GUCY1A2: variants seen among roughly 807,000 people sequenced by gnomAD.
GUCY1A2 encodes the protein guanylate cyclase soluble subunit alpha-2.
In GUCY1A2, 27 loss-of-function variants were observed where a neutral mutation model predicts 63.5. The ratio of observed to expected loss-of-function variants is 0.43; its 90% CI spans 0.31 to 0.59. The LOEUF (loss-of-function observed/expected upper bound fraction) is 0.59, where lower values mean the gene tolerates loss of function less well. Ranked by LOEUF, GUCY1A2 falls within the 20% of genes least tolerant of loss-of-function variation. The pLI, the probability that GUCY1A2 is intolerant of heterozygous loss-of-function variation, is 0.11. For missense variants in GUCY1A2, 768 were observed against 913.3 expected, an observed-to-expected ratio of 0.84 and a Z score of 2.05; for synonymous variants, 364 against 343.5, an observed-to-expected ratio of 1.06 and a Z score of -0.66.
intron 5 of GUCY1A2, among the ~76,000 whole-genome samples, chr11:106,784,334 G>GA (rs1565288931): frequency 6.6e-6 from 1 of 152,068 alleles, no homozygotes; most frequent in African/African-American, 2.4e-5. Flanking sequence ...ACTCCTTCCT[G>GA]AAAGCAGGAT....
At chr11:106,770,994 T>C (rs1347492275) in intron 6 of GUCY1A2, among the ~76,000 whole-genome samples, 1 of 151,962 alleles carries the variant, frequency 6.6e-6, no homozygotes, top group African/African-American at 2.4e-5. Context: ...AAATGCACTG[T>C]CTTTGAACTA....
At chr11:106,762,040 T>G (rs1011328763) in intron 6 of GUCY1A2, among the ~76,000 whole-genome samples, 1 of 152,170 alleles carries the variant, frequency 6.6e-6, no homozygotes, top group Non-Finnish European at 1.5e-5. Context: ...TACTTCATTA[T>G]ACTTTGGGTA....
At chr11:106,715,792 C>T (rs1443307987) in intron 6 of GUCY1A2, among the ~76,000 whole-genome samples, 1 of 152,194 alleles carries the variant, frequency 6.6e-6, no homozygotes, top group African/African-American at 2.4e-5. Flanking sequence ...TAATCACAGA[C>T]TCTGTTCTAA....
At chr11:106,871,947 T>C (rs536511389) in intron 4 of GUCY1A2, among the ~76,000 whole-genome samples, 17 of 152,342 alleles carry the variant, frequency 1.1e-4, no homozygotes, top group African/African-American at 3.6e-4. Flanking sequence ...TTCTGCATAT[T>C]ACCAGCCTTG....
At chr11:106,845,121 G>C (rs987614034) in intron 4 of GUCY1A2, among the ~76,000 whole-genome samples, 1 of 151,638 alleles carries the variant, frequency 6.6e-6, no homozygotes, top group East Asian at 1.9e-4. Flanking sequence ...AATCCTGGCT[G>C]TACATTAGAA....
intron 3 of GUCY1A2, among the ~76,000 whole-genome samples, chr11:106,942,287 T>G (rs1860762147): frequency 1.3e-5 from 2 of 152,206 alleles, no homozygotes; most frequent in African/African-American, 4.8e-5. Context: ...AACCATACTC[T>G]CCTGGTTTGA....
chr11:107,002,819 C>T (rs1203162601), intron 1 of GUCY1A2, among the ~76,000 whole-genome samples: 1 of 151,960 alleles, frequency 6.6e-6, no homozygotes, highest in Non-Finnish European at 1.5e-5. Flanking sequence ...AAATTACTGG[C>T]CAATGACTAA....
At chr11:106,986,635 T>A (rs1303973042) in intron 1 of GUCY1A2, among the ~76,000 whole-genome samples, 2 of 152,186 alleles carry the variant, frequency 1.3e-5, no homozygotes, top group East Asian at 3.9e-4. Context: ...AACTTTATAA[T>A]AAAAGATATT....
chr11:106,935,849 CAA>C (rs113637459), intron 4 of GUCY1A2, among the ~76,000 whole-genome samples: 1 of 107,410 alleles, frequency 9.3e-6, no homozygotes, highest in Admixed American at 9.8e-5. Flanking sequence ...ACTCCATCTC[CAA>C]AAAAAAAAAT....
At chr11:106,725,339 A>AT (rs1253725508) in intron 6 of GUCY1A2, among the ~76,000 whole-genome samples, 2 of 58,274 alleles carry the variant, frequency 3.4e-5, no homozygotes, top group Non-Finnish European at 7.9e-5. Context: ...CGCCCGGCTA[A>AT]TTTTTTGTAT....
intron 4 of GUCY1A2, among the ~76,000 whole-genome samples, chr11:106,908,584 G>A (rs1860247040): frequency 6.7e-6 from 1 of 150,150 alleles, no homozygotes; most frequent in South Asian, 2.1e-4. Flanking sequence ...AGAGAGAGAG[G>A]ATGATAAAGG....
chr11:106,867,268 A>G (rs1859607465), intron 4 of GUCY1A2, among the ~76,000 whole-genome samples: 1 of 152,108 alleles, frequency 6.6e-6, no homozygotes, highest in Non-Finnish European at 1.5e-5. Flanking sequence ...GGGAAATAAA[A>G]GAGACATAAA....
At chr11:106,854,246 G>A (rs1859396101) in intron 4 of GUCY1A2, among the ~76,000 whole-genome samples, 1 of 152,316 alleles carries the variant, frequency 6.6e-6, no homozygotes, top group African/African-American at 2.4e-5. Context: ...ACAGCCTTGG[G>A]CCCGTGGGAG....
chr11:106,829,343 C>A (rs937967367), intron 4 of GUCY1A2, among the ~76,000 whole-genome samples: 1 of 152,078 alleles, frequency 6.6e-6, no homozygotes, highest in African/African-American at 2.4e-5. Flanking sequence ...GTATTCTTTC[C>A]ATACATGGTG....
chr11:106,961,497 T>G (rs1861057375), intron 3 of GUCY1A2, among the ~76,000 whole-genome samples: 1 of 152,172 alleles, frequency 6.6e-6, no homozygotes, highest in African/African-American at 2.4e-5. Context: ...GAAAGATCTT[T>G]CTCAATATTT....
intron 1 of GUCY1A2, among the ~76,000 whole-genome samples, chr11:107,006,014 A>T (rs1861666578): frequency 6.6e-6 from 1 of 152,230 alleles, no homozygotes; most frequent in African/African-American, 2.4e-5. Context: ...CGTATGCTAT[A>T]GTCCAAATAC....
At chr11:107,005,309 T>C (rs1196183570) in intron 1 of GUCY1A2, among the ~76,000 whole-genome samples, 1 of 152,222 alleles carries the variant, frequency 6.6e-6, no homozygotes, top group Non-Finnish European at 1.5e-5. Flanking sequence ...AACTTCTCAC[T>C]GTCACCCAAG....
At chr11:106,792,169 C>G (rs897468804) in intron 5 of GUCY1A2, among the ~76,000 whole-genome samples, 2 of 151,920 alleles carry the variant, frequency 1.3e-5, no homozygotes, top group Non-Finnish European at 2.9e-5. Context: ...AGGCAGATCA[C>G]GAGGTCAGGA....
chr11:106,961,430 A>C (rs943579056), intron 3 of GUCY1A2, among the ~76,000 whole-genome samples: 2 of 152,158 alleles, frequency 1.3e-5, no homozygotes, highest in African/African-American at 4.8e-5. Context: ...TTTTTCCCAT[A>C]AACTTTTAAG....
Sources: gnomAD v4.1 joint callset for allele counts (sites outside exome capture counted in the v4.1 genomes callset) on GRCh38, gnomAD v4.1.1 for gene constraint, MANE v1.5 for transcripts, NCBI Gene and HGNC (gene_info 2026-07-23, HGNC 2026-07-21) for gene names.